The following SRPRA variants were observed in gnomAD, a reference collection of about 807,000 sequenced individuals.
SRPRA encodes signal recognition particle receptor subunit alpha.
A neutral mutation model predicts 61.1 loss-of-function variants in SRPRA; 30 were observed. The observed-to-expected ratio is 0.49, with a 90% confidence interval of 0.37 to 0.67. SRPRA has a LOEUF of 0.67. Among genes scored for constraint, SRPRA ranks in the 30% least tolerant of loss-of-function variants. The pLI is 0.00. For missense variants in SRPRA, 759 were observed against 828.4 expected (o/e 0.92, Z 1.03); for synonymous variants, 324 against 299.7 (o/e 1.08, Z -0.84).
rs754987988 is a variant in SRPRA at position 126,268,820 on chromosome 11, G to A, written c.-16C>T. 7 of 1,606,682 alleles carry A rather than the reference G, an allele frequency of 4.4e-6. No individual in the cohort carries two copies. Among genetic ancestry groups the A allele is most frequent in the Non-Finnish European group, 3.4e-6 (4 of 1,174,302 alleles). On this transcript the variant is annotated 5_prime_UTR_variant, in exon 1 of 14. Transcript: ENST00000332118. ...AGTCGAGCATGGCGGCAGCGGCAGA[G>A]GAGCTGGGGCCGGCGCCGGGAATTC...
Position 126,265,189 on chromosome 11 carries a change from A to G in SRPRA, c.1312-17T>C, listed in dbSNP as rs767706385. The G allele has an allele frequency of 4.3e-6, 7 of 1,614,104 alleles. No homozygotes were observed. In the South Asian group the frequency reaches 7.7e-5, roughly 18 times the overall value. ...GAAGGAAATCTGTGAAAAAGACGTA[A>G]GAAAAGTCACCTAAAGCCAGGATTT... On this transcript the variant is annotated splice_polypyrimidine_tract_variant and intron_variant, in intron 10 of 13. Coordinates refer to ENST00000332118, the MANE Select transcript of SRPRA (RefSeq NM_003139.4). This position sits in a 1 kb window ranked among gnomAD's most constrained non-coding sequence, Gnocchi z 6.3.
the SRPRA span, among the ~76,000 whole-genome samples, chr11:126,237,821 C>T: frequency 7.3e-6 from 1 of 136,614 alleles, no homozygotes; most frequent in African/African-American, 2.7e-5. Flanking sequence ...TGTGTCACTG[C>T]ACTCCAGCCT....
At chr11:126,257,537 C>T in the SRPRA span, among the ~76,000 whole-genome samples, 1 of 148,596 alleles carries the variant, frequency 6.7e-6, no homozygotes, top group Non-Finnish European at 1.5e-5. Context: ...AAGTTAGAGA[C>T]ATATGAGTAA....
chr11:126,264,931 A>G lies in SRPRA; in HGVS notation c.1525+28T>C, dbSNP rs1332374710. 3.1e-6 allele frequency: 5 copies of G among 1,593,504 alleles called. No individual in the cohort carries two copies. The highest frequency in any genetic ancestry group is 4.3e-6 in the Non-Finnish European group (5 of 1,169,966). ...CCAAGGAGAAAAAGGGACCCCAAAT[A>G]AGCCCCCACACTTCCCATGCACTGT... On this transcript the variant is annotated intron_variant, in intron 11 of 13. Coordinates refer to ENST00000332118, the MANE Select transcript of SRPRA (RefSeq NM_003139.4). The surrounding 1 kb of genome is among the most constrained non-coding windows in gnomAD (Gnocchi z 5.0).
At chr11:126,237,295 AC>A in the SRPRA span, among the ~76,000 whole-genome samples, 2 of 127,360 alleles carry the variant, frequency 1.6e-5, no homozygotes, top group African/African-American at 6.1e-5. Context: ...ATCTCAGCTC[AC>A]TGCAACCTCT....
At chr11:126,248,236 G>C in the SRPRA span, among the ~76,000 whole-genome samples, 1 of 151,360 alleles carries the variant, frequency 6.6e-6, no homozygotes, top group Admixed American at 6.6e-5. Flanking sequence ...AATTGTATTT[G>C]TAGGATACAT....
chr11:126,268,889 A>T lies in SRPRA; in HGVS notation c.-85T>A, dbSNP rs1231199905. On this transcript the variant is annotated 5_prime_UTR_variant, in exon 1 of 14. Coordinates refer to ENST00000332118, the MANE Select transcript of SRPRA (RefSeq NM_003139.4). ...CTTCCTGCTGCGCCAAGCGCGGGAC[A>T]CGTCACACCAGTGGCCCCGGAAATC... 5.3e-6 allele frequency: 6 copies of T among 1,140,122 alleles called. No individual in the cohort carries two copies. The highest frequency in any genetic ancestry group is 4.8e-5 in the East Asian group (2 of 41,882). The allele number at this position is 1,140,122 out of a possible 1,614,324, so 70.6% of individuals were successfully genotyped here.
At chr11:126,251,342 A>G in the SRPRA span, among the ~76,000 whole-genome samples, 1 of 152,312 alleles carries the variant, frequency 6.6e-6, no homozygotes, top group South Asian at 2.1e-4. Context: ...TTTCCTCAGG[A>G]ATCTGCCTTT....
At position 126,266,618 on chromosome 11, in the gene SRPRA, T is replaced by A. The variant is rs202172265; in HGVS notation, c.698A>T (p.Lys233Met). The A allele has an allele frequency of 3.3e-5, 53 of 1,613,856 alleles. No homozygotes were observed. Among genetic ancestry groups the A allele is most frequent in the Non-Finnish European group, 4.5e-5 (53 of 1,179,874 alleles). Residue 233 changes from lysine (K) to methionine (M), a missense_variant, in exon 6 of 14, where the codon AAG (lysine) becomes ATG (methionine). By Grantham distance (95) the Lys-to-Met change is moderately conservative. Around this residue, in one of 2 missense-constraint regions of SRPRA, gnomAD observed 475 missense variants for 462.5 expected, o/e 1.03. Transcript: ENST00000332118. Reference protein sequence around the residue: ...RGMEKSNKSTKSDAPKEKGKK... With the variant: ...RGMEKSNKSTMSDAPKEKGKK... ...GCCCTTCTCCTTTGGAGCATCTGAC[T>A]TCGTGGACTTGCTGCAACAGGTTAT... is the stretch of plus-strand genomic sequence containing the variant.
Position 126,266,838 on chromosome 11 carries a change from A to T in SRPRA, c.611T>A (p.Leu204His), listed in dbSNP as rs1950818599. ...CCTGCGGATCAGCTCCTCTTTGGAA[A>T]GTTCTACTCCGTTCTCAGGACCCAC... ...LPVGPENGVE[L>H]SKEELIRRKR... Residue 204 changes from leucine to histidine, a missense_variant, in exon 5 of 14, where the codon CTT (leucine) becomes CAT (histidine). Around this residue, in one of 2 missense-constraint regions of SRPRA, gnomAD observed 475 missense variants for 462.5 expected, o/e 1.03. Transcript: ENST00000332118. 1 of 1,614,086 alleles carries T rather than the reference A, an allele frequency of 6.2e-7. No individual in the cohort carries two copies.
chr11:126,241,036 C>T, the SRPRA span: 1 of 1,595,780 alleles, frequency 6.3e-7, no homozygotes, highest in Non-Finnish European at 8.5e-7. Context: ...TATCCAGAAA[C>T]TCTCTCCTGT....
At chr11:126,250,730 A>G in the SRPRA span, 4 of 1,606,840 alleles carry the variant, frequency 2.5e-6, no homozygotes, top group South Asian at 1.1e-5. This position sits in a 1 kb window ranked among gnomAD's most constrained non-coding sequence, Gnocchi z 5.1. Flanking sequence ...CTGATGAGAA[A>G]AAGGTAAAAA....
At chr11:126,251,731 C>CTTTT in the SRPRA span, among the ~76,000 whole-genome samples, 1 of 137,464 alleles carries the variant, frequency 7.3e-6, no homozygotes, top group Non-Finnish European at 1.6e-5. Context: ...TAACTTGCAG[C>CTTTT]TTTTTTTTTT....
rs1565348896 is a variant in SRPRA, at chr11:126,268,720, CG to C, written c.84del (p.Val29LeufsTer4). 6.2e-7 allele frequency: 1 copy of C among 1,613,872 alleles called. No individual in the cohort carries two copies. The highest frequency in any genetic ancestry group is 1.7e-5 in the Admixed American group (1 of 60,030). Reference sequence around the variant, plus strand: ...AGCACGGAACGAATCAACGCGTTAACGGGTCCGGTGCATGAGTCGCTAACGC... The same window carrying C: ...AGCACGGAACGAATCAACGCGTTAACGGTCCGGTGCATGAGTCGCTAACGC... The part of the protein sequence containing the change: ...FQGVSDSCTG[P>X]VNALIRSVLL... On this transcript the variant is annotated frameshift_variant, in exon 1 of 14. Coordinates refer to ENST00000332118, the MANE Select transcript of SRPRA (RefSeq NM_003139.4). LOFTEE classifies it high-confidence loss of function.
At chr11:126,250,896 C>G in the SRPRA span, among the ~76,000 whole-genome samples, 5 of 152,114 alleles carry the variant, frequency 3.3e-5, no homozygotes, top group Admixed American at 2.6e-4. This position sits in a 1 kb window ranked among gnomAD's most constrained non-coding sequence, Gnocchi z 5.1. Context: ...TTTTAAAGAT[C>G]AAATCAATAT....
chr11:126,266,543 A>C lies in SRPRA; in HGVS notation c.773T>G (p.Val258Gly), dbSNP rs1399479913. 17 of 1,613,904 alleles carry C rather than the reference A, an allele frequency of 1.1e-5. 1 individual carries two copies. The East Asian group carries it at 3.8e-4, about 36-fold the overall frequency. ...WELGGCANKE[V>G]LDYSTPTTNG... ...GGTGGTGGGAGTACTGTAATCCAAC[A>C]CTTCTTTGTTAGCACAGCCACCCAG... is the stretch of plus-strand genomic sequence containing the variant. The change falls in exon 6 of 14, where the codon GTG becomes GGG. Residue 258 changes from valine (V) to glycine (G), a missense_variant. Val to Gly is a moderately radical substitution (Grantham distance 109). Around this residue, in one of 2 missense-constraint regions of SRPRA, gnomAD observed 475 missense variants for 462.5 expected, o/e 1.03. Transcript: ENST00000332118.
Position 126,268,749 on chromosome 11 carries a change from T to C in SRPRA, c.56A>G (p.Gln19Arg), listed in dbSNP as rs1950878301. 1 of 1,613,746 alleles carries C rather than the reference T, an allele frequency of 6.2e-7. No homozygotes were observed. The highest frequency in any genetic ancestry group is 1.7e-5 in the Admixed American group (1 of 60,012). The change falls in exon 1 of 14, where the codon CAG (glutamine) becomes CGG (arginine). Residue 19 changes from glutamine to arginine, a missense_variant. Transcript: ENST00000332118. Reference sequence around the variant, plus strand: ...TCCGGTGCATGAGTCGCTAACGCCCTGGAAGCACCAGAGCACAAGCCCGCC... The same window carrying C: ...TCCGGTGCATGAGTCGCTAACGCCCCGGAAGCACCAGAGCACAAGCCCGCC... The part of the protein sequence containing the change: ...SKGGLVLWCF[Q>R]GVSDSCTGPV...
chr11:126,249,731 CAAAAAAAAAAAA>C, the SRPRA span, among the ~76,000 whole-genome samples: 9 of 79,004 alleles, frequency 1.1e-4, no homozygotes, highest in South Asian at 2.7e-3. Flanking sequence ...GACTCCGTCT[CAAAAAAAAAAAA>C]AAAAAAAAAA....
the SRPRA span, chr11:126,254,372 C>T: frequency 6.2e-7 from 1 of 1,614,226 alleles, no homozygotes; most frequent in Non-Finnish European, 8.5e-7. Context: ...TACACCAACC[C>T]TAGTGGCATT....
Sources: allele counts gnomAD v4.1 joint callset (sites outside exome capture counted in the v4.1 genomes callset), GRCh38; gene constraint gnomAD v4.1.1; regional missense constraint gnomAD v4.1.1; non-coding constraint Gnocchi (gnomAD v3.1); transcripts MANE v1.5; gene names NCBI Gene and HGNC (gene_info 2026-07-23, HGNC 2026-07-21).